Variants in BCOR observed in about 807,000 individuals in gnomAD.
BCOR encodes BCL-6 corepressor.
In BCOR, 10 loss-of-function variants were observed where a neutral mutation model predicts 86.7. The observed-to-expected ratio is 0.12, with a 90% CI of 0.07 to 0.20. The LOEUF (loss-of-function observed/expected upper bound fraction) is 0.20, where lower values mean the gene tolerates loss of function less well. Among genes scored for constraint, BCOR ranks in the 10% least tolerant of loss-of-function variants. The probability of loss-of-function intolerance (pLI) is 1.00; values close to 1 mark genes in which losing one functional copy is unlikely to be tolerated. For missense variants in BCOR, 1,259 were observed against 1,452.1 expected, an observed-to-expected ratio of 0.87 and a Z score of 2.16; for synonymous variants, 611 against 609.0, an observed-to-expected ratio of 1.00 and a Z score of -0.05.
intron 1 of BCOR, among the ~76,000 whole-genome samples, chrX:40,149,775 TGGG>T (rs1938132550): frequency 8.9e-6 from 1 of 111,962 alleles, no homozygotes; most frequent in Non-Finnish European, 1.9e-5. Flanking sequence ...ATAGGCCCCA[TGGG>T]GAGCTCTTGG....
At chrX:40,170,061 C>T (rs765529361) in intron 1 of BCOR, among the ~76,000 whole-genome samples, 15 of 112,548 alleles carry the variant, frequency 1.3e-4, no homozygotes, top group Admixed American at 2.8e-4. Context: ...AAGGAGGTCA[C>T]GAGGCACCCC....
chrX:40,067,364 G>C, intron 6 of BCOR, among the ~76,000 whole-genome samples: 1 of 111,743 alleles, frequency 8.9e-6, no homozygotes, highest in Non-Finnish European at 1.9e-5. Context: ...TGGGGGTGGG[G>C]AGGGCTCCCC....
chrX:40,123,477 C>G (rs994443134), intron 1 of BCOR, among the ~76,000 whole-genome samples: 2 of 110,466 alleles, frequency 1.8e-5, no homozygotes, highest in Non-Finnish European at 3.8e-5. Context: ...CTCAGCCTCC[C>G]GAGTAGCTGG....
chrX:40,127,020 T>C lies in BCOR; in HGVS notation c.-40-49051A>G, dbSNP rs139995288. 4.6e-3 allele frequency among the ~76,000 whole-genome samples: 511 copies of C among 111,217 alleles called. 1 individual carries two copies. The highest frequency in any genetic ancestry group is 0.016 in the African/African-American group (486 of 30,586). ...CAGCCTCCAGAACAGTAAGACAATA[T>C]ATTTCAGTTGTTTGAGTCACCCAGT... On this transcript the variant is annotated intron_variant, in intron 1 of 14. Coordinates refer to the BCOR transcript ENST00000342274.
Position 40,074,147 on chromosome X carries a change from C to A in BCOR, c.1199G>T (p.Gly400Val). ...CCCGGGCACTGGCTGGGCACCTTCG[C>A]CCCCTTCCGGAGCCTTGGGATACTT... is the stretch of plus-strand genomic sequence containing the variant. ...NGKYPKAPEG[G>V]EGAQPVPGHA... Residue 400 changes from glycine (G) to valine (V), a missense_variant, in exon 4 of 15, where the codon GGC becomes GTC. Gly to Val is a moderately radical substitution (Grantham distance 109). This residue lies in a region of BCOR where 534 missense variants were observed against 594.8 expected (regional missense o/e 0.90). Coordinates refer to ENST00000378444, the MANE Select transcript of BCOR (RefSeq NM_001123385.2). The A allele has an allele frequency of 8.2e-7, 1 of 1,212,319 alleles. No homozygotes were observed. Among genetic ancestry groups the A allele is most frequent in the Non-Finnish European group, 1.1e-6 (1 of 895,595 alleles).
At chrX:40,173,708 T>A (rs1211796330) in intron 1 of BCOR, among the ~76,000 whole-genome samples, 1 of 112,115 alleles carries the variant, frequency 8.9e-6, no homozygotes, top group Non-Finnish European at 1.9e-5. Context: ...TTACCCACTC[T>A]CTCCCTGCAG....
intron 1 of BCOR, among the ~76,000 whole-genome samples, chrX:40,092,523 C>T (rs1267721505): frequency 3.6e-5 from 4 of 111,377 alleles, no homozygotes; most frequent in Non-Finnish European, 7.5e-5. Flanking sequence ...AGAGGCCGCA[C>T]TTCTTCCTGT....
chrX:40,089,406 TCA>T (rs1228947529), intron 1 of BCOR, among the ~76,000 whole-genome samples: 4 of 111,673 alleles, frequency 3.6e-5, no homozygotes, highest in African/African-American at 1.3e-4. Flanking sequence ...ATCCTGATTT[TCA>T]CATACTGTCT....
intron 10 of BCOR, among the ~76,000 whole-genome samples, chrX:40,057,937 C>T (rs992094688): frequency 8.9e-6 from 1 of 112,018 alleles, no homozygotes; most frequent in African/African-American, 3.2e-5. Flanking sequence ...GGCGGCAGTG[C>T]CTCTGTTGGT....
intron 1 of BCOR, among the ~76,000 whole-genome samples, chrX:40,123,795 T>TTGTGTGTGTG (rs59910543): frequency 7.2e-4 from 75 of 104,015 alleles, no homozygotes; most frequent in African/African-American, 2.7e-3. Flanking sequence ...GGTTTCCTGG[T>TTGTGTGTGTG]TGTGTGTGTG....
At chrX:40,147,023 C>T (rs1938073278) in intron 1 of BCOR, among the ~76,000 whole-genome samples, 1 of 111,701 alleles carries the variant, frequency 9.0e-6, no homozygotes, top group Admixed American at 9.4e-5. Context: ...CCTTCACCTG[C>T]TCGGCCGCCT....
chrX:40,087,921 C>T (rs777271123), intron 1 of BCOR, among the ~76,000 whole-genome samples: 2 of 112,719 alleles, frequency 1.8e-5, no homozygotes, highest in Non-Finnish European at 3.7e-5. Flanking sequence ...GGGCAGACAA[C>T]GCTAGGATTT....
chrX:40,160,768 A>G (rs1304831274), intron 1 of BCOR, among the ~76,000 whole-genome samples: 4 of 102,202 alleles, frequency 3.9e-5, no homozygotes, highest in African/African-American at 7.2e-5. Flanking sequence ...GGTTCAAACA[A>G]TTCTCCTGCC....
chrX:40,078,977 T>C (rs1327352126), intron 1 of BCOR, among the ~76,000 whole-genome samples: 1 of 111,834 alleles, frequency 8.9e-6, no homozygotes, highest in Non-Finnish European at 1.9e-5. Flanking sequence ...CTTTGGAGGT[T>C]GAGCCGTTTC....
chrX:40,096,395 G>A (rs1936872517), intron 1 of BCOR, among the ~76,000 whole-genome samples: 1 of 112,558 alleles, frequency 8.9e-6, no homozygotes, highest in Non-Finnish European at 1.9e-5. Flanking sequence ...GAGAGGAGGG[G>A]GAAAGCGGGA....
chrX:40,060,056 C>T (rs1221436181), intron 10 of BCOR, among the ~76,000 whole-genome samples: 1 of 111,899 alleles, frequency 8.9e-6, no homozygotes, highest in Non-Finnish European at 1.9e-5. Flanking sequence ...AAGCAGAAGA[C>T]AATGATAAAG....
At chrX:40,124,098 A>T (rs1412332749) in intron 1 of BCOR, among the ~76,000 whole-genome samples, 3 of 110,864 alleles carry the variant, frequency 2.7e-5, no homozygotes, top group Non-Finnish European at 5.7e-5. Context: ...GAGAGAACTC[A>T]GGGGAATATG....
intron 11 of BCOR, 149 bp from the exon 12 acceptor site, chrX:40,055,662 T>C: frequency 1.6e-6 from 1 of 624,538 alleles, no homozygotes; most frequent in Non-Finnish European, 2.5e-6. Flanking sequence ...CCAGGAGGTG[T>C]GCACAGTCAC....
At chrX:40,062,097 C>A (rs2146994438) in intron 10 of BCOR, 42 bp downstream of exon 10, 1 of 1,174,517 alleles carries the variant, frequency 8.5e-7, no homozygotes, top group African/African-American at 1.8e-5. Context: ...GCAGGCCCCG[C>A]CCCCCAGCCT....
Sources: gnomAD v4.1 joint callset for allele counts (sites outside exome capture counted in the v4.1 genomes callset) on GRCh38, gnomAD v4.1.1 for gene constraint, gnomAD v4.1.1 regional missense constraint, MANE v1.5 for transcripts, NCBI Gene and HGNC (gene_info 2026-07-23, HGNC 2026-07-21) for gene names.